GPC6: variants seen among roughly 807,000 people sequenced by gnomAD.
The protein encoded by GPC6 is glypican 6, also known as glypican-6.
Under a neutral mutation model 55.2 loss-of-function variants are expected in GPC6, and 14 were observed. The observed-to-expected ratio is 0.25, with a 90% CI of 0.17 to 0.40. The LOEUF (loss-of-function observed/expected upper bound fraction) is 0.40, where lower values mean the gene tolerates loss of function less well. GPC6 is among the 10% of genes least tolerant of loss of function. The probability of loss-of-function intolerance (pLI) is 1.00; values close to 1 mark genes in which losing one functional copy is unlikely to be tolerated. For missense variants in GPC6, 641 were observed against 708.5 expected, an observed-to-expected ratio of 0.90 and a Z score of 1.08; for synonymous variants, 278 against 259.6, an observed-to-expected ratio of 1.07 and a Z score of -0.68.
chr13:93,784,075 A>G (rs541731722), intron 2 of GPC6, among the ~76,000 whole-genome samples: 1 of 152,172 alleles, frequency 6.6e-6, no homozygotes, highest in Non-Finnish European at 1.5e-5. Context: ...CAGTGTCCCT[A>G]TGCCTAAGGT....
intron 4 of GPC6, among the ~76,000 whole-genome samples, chr13:94,272,485 T>TTTTTTC (rs1892066601): frequency 9.0e-6 from 1 of 110,968 alleles, no homozygotes; most frequent in Non-Finnish European, 1.8e-5. Flanking sequence ...TTTTTTTTTT[T>TTTTTTC]TGAAACAGAG....
intron 2 of GPC6, among the ~76,000 whole-genome samples, chr13:93,769,399 A>G (rs1218893854): frequency 6.6e-6 from 1 of 151,294 alleles, no homozygotes. Flanking sequence ...CAAGTTTCAG[A>G]GAAACACAAG....
At chr13:93,287,618 A>G (rs1203980452) in intron 1 of GPC6, among the ~76,000 whole-genome samples, 3 of 152,236 alleles carry the variant, frequency 2.0e-5, no homozygotes, top group Non-Finnish European at 4.4e-5. Context: ...AATGTAGCAC[A>G]TATTGCATTT....
chr13:93,427,239 G>A lies in GPC6; in HGVS notation c.161-118024G>A, dbSNP rs536705801. 6.6e-5 allele frequency among the ~76,000 whole-genome samples: 10 copies of A among 150,974 alleles called. No individual in the cohort carries two copies. The East Asian group carries it at 1.9e-3, about 29-fold the overall frequency. On this transcript the variant is annotated intron_variant, in intron 1 of 8. Transcript: ENST00000377047. ...TACCAATGACTTTCTTCACAGAATTGGAAAAAACTACTTTAAAGTTCATAT... is the reference window on the plus strand; with the variant it reads ...TACCAATGACTTTCTTCACAGAATTAGAAAAAACTACTTTAAAGTTCATAT...
chr13:93,827,553 C>T (rs897602636), intron 2 of GPC6, among the ~76,000 whole-genome samples: 1 of 152,086 alleles, frequency 6.6e-6, no homozygotes, highest in Non-Finnish European at 1.5e-5. Flanking sequence ...TCTTTCAATA[C>T]CAAATATTAA....
At chr13:93,617,502 C>T (rs1878772260) in intron 2 of GPC6, among the ~76,000 whole-genome samples, 1 of 152,090 alleles carries the variant, frequency 6.6e-6, no homozygotes, top group Non-Finnish European at 1.5e-5. Flanking sequence ...GCAGACCCAT[C>T]TGCATGGTAG....
At chr13:94,354,895 G>C (rs532881781) in intron 6 of GPC6, among the ~76,000 whole-genome samples, 2 of 152,184 alleles carry the variant, frequency 1.3e-5, no homozygotes, top group Non-Finnish European at 2.9e-5. Context: ...ATGAAGACAA[G>C]GATGGAAGTG....
intron 1 of GPC6, among the ~76,000 whole-genome samples, chr13:93,442,293 A>C (rs1378785603): frequency 6.6e-6 from 1 of 152,156 alleles, no homozygotes; most frequent in Non-Finnish European, 1.5e-5. Flanking sequence ...GAAAGACTCT[A>C]AGCAAAGAAA....
chr13:93,623,429 A>G (rs1449891522), intron 2 of GPC6, among the ~76,000 whole-genome samples: 1 of 124,358 alleles, frequency 8.0e-6, no homozygotes, highest in Non-Finnish European at 1.9e-5. Flanking sequence ...TTCCAGGACA[A>G]TGGTTGTTTT....
intron 4 of GPC6, among the ~76,000 whole-genome samples, chr13:94,032,277 C>G (rs1197226842): frequency 2.0e-5 from 3 of 152,074 alleles, no homozygotes; most frequent in Admixed American, 2.0e-4. Context: ...ATAATTATAA[C>G]AAACTATGAC....
intron 5 of GPC6, among the ~76,000 whole-genome samples, chr13:94,293,133 G>A (rs540401948): frequency 1.3e-5 from 2 of 152,234 alleles, no homozygotes; most frequent in East Asian, 1.9e-4. Flanking sequence ...TGACAACCAT[G>A]GTTACCCTTG....
At chr13:93,220,868 A>C in the GPC6 span, among the ~76,000 whole-genome samples, 1 of 152,168 alleles carries the variant, frequency 6.6e-6, no homozygotes, top group Admixed American at 6.5e-5. Flanking sequence ...TATATATGAA[A>C]ATTTAAAAAT....
intron 4 of GPC6, among the ~76,000 whole-genome samples, chr13:94,136,033 A>G (rs946900066): frequency 6.6e-5 from 10 of 152,352 alleles, no homozygotes; most frequent in Middle Eastern, 3.4e-3. Context: ...AAAATCATTT[A>G]GGAAATGGAT....
chr13:94,389,293 C>T (rs1319477651), intron 7 of GPC6, among the ~76,000 whole-genome samples: 1 of 152,126 alleles, frequency 6.6e-6, no homozygotes, highest in Non-Finnish European at 1.5e-5. Context: ...AGGACATTTG[C>T]AGTCATCAGT....
chr13:93,753,880 C>T (rs1465048540), intron 2 of GPC6, among the ~76,000 whole-genome samples: 1 of 152,144 alleles, frequency 6.6e-6, no homozygotes, highest in Non-Finnish European at 1.5e-5. Flanking sequence ...CTCCTAGGCT[C>T]AAGTAATCCT....
intron 4 of GPC6, among the ~76,000 whole-genome samples, chr13:94,273,546 C>G (rs1171733539): frequency 6.6e-6 from 1 of 152,138 alleles, no homozygotes; most frequent in Non-Finnish European, 1.5e-5. Flanking sequence ...TATGTTTTCT[C>G]CTTCATTATT....
chr13:93,551,761 A>G (rs975857406), intron 2 of GPC6, among the ~76,000 whole-genome samples: 4 of 152,140 alleles, frequency 2.6e-5, no homozygotes, highest in African/African-American at 7.2e-5. Flanking sequence ...CTACTTCCCA[A>G]TGTTTTACTA....
chr13:93,473,822 G>A (rs901793351), intron 1 of GPC6, among the ~76,000 whole-genome samples: 2 of 152,138 alleles, frequency 1.3e-5, no homozygotes, highest in African/African-American at 2.4e-5. Context: ...CAAGAGTGGC[G>A]ACACAGGGCC....
intron 1 of GPC6, among the ~76,000 whole-genome samples, chr13:93,396,382 G>C (rs997337003): frequency 6.6e-6 from 1 of 152,026 alleles, no homozygotes; most frequent in East Asian, 1.9e-4. Flanking sequence ...GGCCAATACG[G>C]TGAAAACCTG....
Sources: gnomAD v4.1 joint callset for allele counts (sites outside exome capture counted in the v4.1 genomes callset) on GRCh38, gnomAD v4.1.1 for gene constraint, MANE v1.5 for transcripts, NCBI Gene and HGNC (gene_info 2026-07-23, HGNC 2026-07-21) for gene names.